The following DSTN variants were observed in gnomAD, a reference collection of about 807,000 sequenced individuals.
DSTN encodes the protein destrin, actin depolymerizing factor.
A neutral mutation model predicts 16.8 loss-of-function variants in DSTN; 10 were observed. The observed-to-expected ratio is 0.60, with a 90% confidence interval of 0.37 to 1.01. The LOEUF is 1.01. DSTN is among the 50% of genes least tolerant of loss of function. DSTN has a pLI of 0.01. For synonymous variants in DSTN, 57 were observed against 58.9 expected (o/e 0.97, Z 0.14); for missense variants, 141 against 196.7 (o/e 0.72, Z 1.69).
chr20:17,574,240 T>C (rs2035240627), intron 1 of DSTN, among the ~76,000 whole-genome samples: 1 of 152,096 alleles, frequency 6.6e-6, no homozygotes, highest in African/African-American at 2.4e-5. Context: ...CAGAACCTCA[T>C]ACTGAGGAGT....
chr20:17,604,476 A>T, intron 2 of DSTN, 79 bp from the exon 3 acceptor site: 1 of 1,418,404 alleles, frequency 7.1e-7, no homozygotes, highest in Non-Finnish European at 9.7e-7. Context: ...GCAAATGTTT[A>T]CACAAGCAAA....
chr20:17,582,722 A>G (rs2035360125), intron 1 of DSTN, among the ~76,000 whole-genome samples: 1 of 152,222 alleles, frequency 6.6e-6, no homozygotes, highest in Admixed American at 6.5e-5. Context: ...TCATAAATCT[A>G]AATGTGAGCA....
chr20:17,582,833 C>T (rs995687004), intron 1 of DSTN, among the ~76,000 whole-genome samples: 6 of 152,132 alleles, frequency 3.9e-5, no homozygotes, highest in African/African-American at 1.4e-4. Flanking sequence ...GGCAATGACA[C>T]CAAGAGCACA....
chr20:17,586,148 T>C (rs2035406061), intron 1 of DSTN, among the ~76,000 whole-genome samples: 1 of 152,220 alleles, frequency 6.6e-6, no homozygotes, highest in African/African-American at 2.4e-5. Flanking sequence ...TTTTTCCTCT[T>C]TCTAATGCTC....
chr20:17,581,195 T>C (rs575799924), intron 1 of DSTN, among the ~76,000 whole-genome samples: 1 of 152,198 alleles, frequency 6.6e-6, no homozygotes, highest in South Asian at 2.1e-4. Flanking sequence ...AAGAAACTAT[T>C]GCTGGCTGTG....
At chr20:17,581,166 A>C (rs991237738) in intron 1 of DSTN, among the ~76,000 whole-genome samples, 1 of 152,094 alleles carries the variant, frequency 6.6e-6, no homozygotes, top group African/African-American at 2.4e-5. Flanking sequence ...AGACATACAA[A>C]TGGGGACAAA....
chr20:17,604,658 G>T (rs370578921), intron 3 of DSTN, 27 bp downstream of exon 3: 12 of 1,591,562 alleles, frequency 7.5e-6, no homozygotes, highest in Non-Finnish European at 9.4e-6. Context: ...CTCTGAATAT[G>T]TAGAGGTATG....
At chr20:17,606,898 G>T in intron 3 of DSTN, 139 bp from the exon 4 acceptor site, 1 of 647,878 alleles carries the variant, frequency 1.5e-6, no homozygotes. Flanking sequence ...ATTTTTTCTC[G>T]TTACTGTGTA....
At position 17,571,587 on chromosome 20, in the gene DSTN, A is replaced by C. The variant is rs980404058; in HGVS notation, c.3+1376A>C. Among the ~76,000 whole-genome samples, 7 of 152,216 alleles carry C rather than the reference A, an allele frequency of 4.6e-5. 1 individual carries two copies. The highest frequency in any genetic ancestry group is 8.8e-5 in the Non-Finnish European group (6 of 68,032). On this transcript the variant is annotated intron_variant, in intron 1 of 3. Coordinates refer to ENST00000246069, the MANE Select transcript of DSTN (RefSeq NM_006870.4). ...ACATTTTAAATGTATATGCTACTTT[A>C]TACTGAAAGACTTAATCTAGGGGCT...
intron 1 of DSTN, among the ~76,000 whole-genome samples, chr20:17,578,371 T>C (rs2035302585): frequency 6.6e-6 from 1 of 152,220 alleles, no homozygotes; most frequent in Non-Finnish European, 1.5e-5. Flanking sequence ...TTTTATACCT[T>C]CTATTCCCAC....
chr20:17,570,334 C>A, intron 1 of DSTN, 123 bp downstream of exon 1: 1 of 1,287,166 alleles, frequency 7.8e-7, no homozygotes, highest in Non-Finnish European at 1.0e-6. Context: ...CCCGGTCCGG[C>A]TGCAGTGTCC....
chr20:17,583,731 G>GTTTTTTTTTTTTTT (rs74172899), intron 1 of DSTN, among the ~76,000 whole-genome samples: 5 of 28,024 alleles, frequency 1.8e-4, no homozygotes, highest in Admixed American at 1.8e-3. Context: ...TGGGTTTGGA[G>GTTTTTTTTTTTTTT]TTTCTTTTTT....
At chr20:17,582,344 G>T (rs1187932069) in intron 1 of DSTN, among the ~76,000 whole-genome samples, 1 of 152,162 alleles carries the variant, frequency 6.6e-6, no homozygotes, top group Non-Finnish European at 1.5e-5. Context: ...CTCCCAAAGT[G>T]CTGGGATTAC....
rs868339509 is a variant in DSTN, at chr20:17,574,740, A to T, written c.3+4529A>T. On this transcript the variant is annotated intron_variant, in intron 1 of 3. Transcript: ENST00000246069. ...GACTCAGTCTCAAAAAAAAAAAAAA[A>T]AAAAAAATTAAAAGTCTAAAAAACA... Among the ~76,000 whole-genome samples, 302 of 149,782 alleles carry T rather than the reference A, an allele frequency of 2.0e-3. 5 individuals are homozygous for T. The highest frequency in any genetic ancestry group is 2.5e-3 in the Admixed American group (37 of 14,974).
intron 1 of DSTN, among the ~76,000 whole-genome samples, chr20:17,597,709 A>G (rs142564758): frequency 9.2e-5 from 14 of 152,342 alleles, no homozygotes; most frequent in Non-Finnish European, 7.4e-5. Flanking sequence ...TTATTGAGGT[A>G]TAATTCACAT....
At chr20:17,574,453 C>T (rs1428099861) in intron 1 of DSTN, among the ~76,000 whole-genome samples, 2 of 152,086 alleles carry the variant, frequency 1.3e-5, no homozygotes, top group Admixed American at 6.5e-5. Flanking sequence ...TTACACTTAC[C>T]CCTCTCTTTC....
chr20:17,578,409 G>A (rs542463087), intron 1 of DSTN, among the ~76,000 whole-genome samples: 50 of 151,958 alleles, frequency 3.3e-4, no homozygotes, highest in Non-Finnish European at 5.6e-4. Context: ...ATGGAAATTG[G>A]GTTTTAAGTA....
intron 1 of DSTN, among the ~76,000 whole-genome samples, chr20:17,570,568 C>T (rs2035189681): frequency 6.6e-6 from 1 of 152,006 alleles, no homozygotes; most frequent in South Asian, 2.1e-4. Flanking sequence ...GTCTGCACAC[C>T]GAGGCCGGGG....
rs903894982 is a variant in DSTN, at chr20:17,604,426, A to G, written c.312-129A>G. The G allele has an allele frequency of 5.7e-6, 5 of 883,754 alleles. No homozygotes were observed. In the African/African-American group the frequency reaches 8.5e-5, roughly 15 times the overall value. The allele number at this position is 883,754 out of a possible 1,614,324, so 54.7% of individuals were successfully genotyped here. ...TGCTGGGGAGGTAGAAAAAATGTGC[A>G]GTTAAGAAAAAATATCTCAGGAGAG... On this transcript the variant is annotated intron_variant, in intron 2 of 3. Transcript: ENST00000246069.
Sources: allele counts gnomAD v4.1 joint callset (sites outside exome capture counted in the v4.1 genomes callset), GRCh38; gene constraint gnomAD v4.1.1; transcripts MANE v1.5; gene names NCBI Gene and HGNC (gene_info 2026-07-23, HGNC 2026-07-21).